CDC14A: variants seen among roughly 807,000 people sequenced by gnomAD.
CDC14A encodes the protein dual specificity protein phosphatase CDC14A.
In CDC14A, 53 loss-of-function variants were observed where a neutral mutation model predicts 74.4. The observed-to-expected ratio is 0.71, with a 90% CI of 0.57 to 0.89. The LOEUF (loss-of-function observed/expected upper bound fraction) is 0.89, where lower values mean the gene tolerates loss of function less well. Among genes scored for constraint, CDC14A ranks in the 40% least tolerant of loss-of-function variants. CDC14A has a pLI of 0.00. For missense variants in CDC14A, 646 were observed against 713.7 expected (o/e 0.91, Z 1.08); for synonymous variants, 247 against 258.4 (o/e 0.96, Z 0.43).
intron 7 of CDC14A, among the ~76,000 whole-genome samples, chr1:100,452,815 C>T (rs187712766): frequency 6.6e-6 from 1 of 152,142 alleles, no homozygotes; most frequent in African/African-American, 2.4e-5. Context: ...TATTTGTTTA[C>T]AAAATGTGGT....
At chr1:100,492,199 A>C (rs962997105) in intron 11 of CDC14A, among the ~76,000 whole-genome samples, 5 of 152,310 alleles carry the variant, frequency 3.3e-5, no homozygotes, top group African/African-American at 9.6e-5. Context: ...ATGTACTGTT[A>C]TTTAATTTTC....
rs989800647 is a variant in CDC14A at position 100,496,522 on chromosome 1, C to T, written c.1298+473C>T. ...TAGTTTTGTTCTGTGGAAAAATGTC[C>T]CCTGAAACCTCCGGGAGTGGTACCA... On this transcript the variant is annotated intron_variant, in intron 13 of 15. Coordinates refer to ENST00000336454, the MANE Select transcript of CDC14A (RefSeq NM_003672.4). Among the ~76,000 whole-genome samples the T allele has an allele frequency of 5.9e-5, 9 of 152,214 alleles. No homozygotes were observed. The South Asian group carries it at 8.3e-4, about 14-fold the overall frequency.
At chr1:100,457,839 A>T (rs147140351) in intron 8 of CDC14A, among the ~76,000 whole-genome samples, 1,737 of 152,126 alleles carry the variant, frequency 0.011, 12 homozygotes, top group Middle Eastern at 0.024. Context: ...AAATTTCATC[A>T]TCTATTTAAC....
intron 11 of CDC14A, chr1:100,485,323 C>T (rs1669920232): frequency 1.0e-6 from 1 of 984,000 alleles, no homozygotes; most frequent in African/African-American, 1.8e-5. Context: ...CACGTTATAC[C>T]TGAGGTGAAG....
intron 7 of CDC14A, among the ~76,000 whole-genome samples, chr1:100,451,370 T>C (rs1666128891): frequency 1.3e-5 from 2 of 152,216 alleles, no homozygotes; most frequent in African/African-American, 4.8e-5. Context: ...GTCATCCACA[T>C]GGGACACTCC....
In CDC14A at chr1:100,499,057, T is replaced by C. The variant is rs1395762671; in HGVS notation, c.1550T>C (p.Leu517Ser). 1 of 1,614,126 alleles carries C rather than the reference T, an allele frequency of 6.2e-7. No individual in the cohort carries two copies. The change falls in exon 15 of 16, where the codon TTG becomes TCG. Residue 517 changes from leucine (L) to serine (S), a missense_variant. Transcript: ENST00000336454. ...ACAGCCAGCCCGTTTACCAACCTCT[T>C]GAATGGCAGCTCCCAGCCAACTACC... is the stretch of plus-strand genomic sequence containing the variant. ...GFTASPFTNLLNGSSQPTTRN... is the reference protein window; with the variant it reads ...GFTASPFTNLSNGSSQPTTRN...
rs1647559013 is a variant in CDC14A at position 100,494,876 on chromosome 1, T to A, written c.1196T>A (p.Leu399Gln). 6.2e-7 allele frequency: 1 copy of A among 1,613,628 alleles called. No homozygotes were observed. The highest frequency in any genetic ancestry group is 1.3e-5 in the African/African-American group (1 of 74,926). ...AATGGTATAACCCAGGGAGACAAAC[T>A]ACGTGCCTTAAAAAGTCAGAGACAG... is the stretch of plus-strand genomic sequence containing the variant. ...MKNGITQGDKLRALKSQRQPR... is the reference protein window; with the variant it reads ...MKNGITQGDKQRALKSQRQPR... The change falls in exon 12 of 16, where the codon CTA (leucine) becomes CAA (glutamine). Residue 399 changes from leucine (L) to glutamine (Q), a missense_variant. By Grantham distance (113) the Leu-to-Gln change is moderately radical (BLOSUM62 -2). Coordinates refer to ENST00000336454, the MANE Select transcript of CDC14A (RefSeq NM_003672.4).
intron 6 of CDC14A, 77 bp downstream of exon 6, chr1:100,440,075 A>T (rs1664760619): frequency 9.2e-7 from 1 of 1,083,954 alleles, no homozygotes; most frequent in South Asian, 1.3e-5. Flanking sequence ...CAACATCCTT[A>T]TTTGTTATTG....
intron 2 of CDC14A, among the ~76,000 whole-genome samples, chr1:100,373,045 A>G (rs1654702874): frequency 6.6e-6 from 1 of 152,208 alleles, no homozygotes; most frequent in Non-Finnish European, 1.5e-5. Flanking sequence ...TTTCTTTTGC[A>G]TTCACAGTTG....
chr1:100,492,177 T>A (rs949213412), intron 11 of CDC14A, among the ~76,000 whole-genome samples: 7 of 152,212 alleles, frequency 4.6e-5, no homozygotes, highest in African/African-American at 1.7e-4. Flanking sequence ...TGCAAAGTAA[T>A]TATAATTTAA....
intron 7 of CDC14A, among the ~76,000 whole-genome samples, chr1:100,443,678 G>A (rs927980387): frequency 6.6e-6 from 1 of 152,012 alleles, no homozygotes; most frequent in Non-Finnish European, 1.5e-5. Context: ...TTTGAAATAT[G>A]GCTGAATTTA....
rs767646802 is a variant in CDC14A at position 100,464,907 on chromosome 1, A to ATTTCT, written c.838+2045_838+2049dup. Reference sequence around the variant, plus strand: ...TATATGTATTTATTTTATATTGCAAATTTCTTTTCTTTTCTTTTCTTTTTT... The same window carrying ATTTCT: ...TATATGTATTTATTTTATATTGCAAATTTCTTTTCTTTTCTTTTCTTTTCTTTTTT... On this transcript the variant is annotated intron_variant, in intron 9 of 15. Coordinates refer to ENST00000336454, the MANE Select transcript of CDC14A (RefSeq NM_003672.4). 2.6e-3 allele frequency among the ~76,000 whole-genome samples: 384 copies of ATTTCT among 149,534 alleles called. 3 individuals are homozygous for ATTTCT. Among genetic ancestry groups the ATTTCT allele is most frequent in the African/African-American group, 8.9e-3 (360 of 40,612 alleles).
At chr1:100,479,778 C>T (rs1435706693) in intron 10 of CDC14A, among the ~76,000 whole-genome samples, 3 of 152,162 alleles carry the variant, frequency 2.0e-5, no homozygotes, top group Non-Finnish European at 4.4e-5. Flanking sequence ...GTTACTGCTG[C>T]ATTATCTGAT....
chr1:100,399,776 G>C (rs1298223565), intron 4 of CDC14A, among the ~76,000 whole-genome samples: 1 of 151,976 alleles, frequency 6.6e-6, no homozygotes, highest in African/African-American at 2.4e-5. Context: ...ACTGAGGCTG[G>C]AGGATTGCTT....
rs28361228 is a variant in CDC14A, at chr1:100,439,790, G to A, written c.390-142G>A. On this transcript the variant is annotated intron_variant, in intron 5 of 15. Coordinates refer to ENST00000336454, the MANE Select transcript of CDC14A (RefSeq NM_003672.4). ...AGTTAAGTGTGGTAGTTAATTAGTA[G>A]GATCTAATGTATTATATAAGTTTAC... 6.9e-3 allele frequency: 4,182 copies of A among 610,110 alleles called. 37 individuals carry two copies. Among genetic ancestry groups the A allele is most frequent in the African/African-American group, 0.031 (1,685 of 53,970 alleles). The allele number at this position is 610,110 out of a possible 1,614,324, so 37.8% of individuals were successfully genotyped here. A position where few individuals can be genotyped will look rare whatever the true frequency, so the allele number is the denominator to read the frequency against.
upstream of CDC14A, among the ~76,000 whole-genome samples, chr1:100,350,887 A>AT (rs900429020): frequency 4.7e-4 from 71 of 152,124 alleles, no homozygotes; most frequent in Non-Finnish European, 9.0e-4. Flanking sequence ...GAAATACTAG[A>AT]TTTTTTTTCA....
chr1:100,504,640 T>C (rs1649072191), intron 15 of CDC14A, among the ~76,000 whole-genome samples: 1 of 152,208 alleles, frequency 6.6e-6, no homozygotes, highest in African/African-American at 2.4e-5. Context: ...ATAAGAGATA[T>C]AGATTTCAAC....
intron 10 of CDC14A, among the ~76,000 whole-genome samples, chr1:100,474,148 T>A (rs1571286395): frequency 6.6e-6 from 1 of 152,206 alleles, no homozygotes; most frequent in African/African-American, 2.4e-5. Flanking sequence ...GTAGATTGCA[T>A]CGATTGTTTT....
chr1:100,366,784 CT>C (rs1653690515), intron 2 of CDC14A, among the ~76,000 whole-genome samples: 1 of 152,166 alleles, frequency 6.6e-6, no homozygotes, highest in Admixed American at 6.5e-5. Flanking sequence ...TTTACACTTA[CT>C]GAATAAAAAG....
Sources: gnomAD v4.1 joint callset for allele counts (sites outside exome capture counted in the v4.1 genomes callset) on GRCh38, gnomAD v4.1.1 for gene constraint, MANE v1.5 for transcripts, NCBI Gene and HGNC (gene_info 2026-07-23, HGNC 2026-07-21) for gene names.